The following ASTN1 variants were observed in gnomAD, a reference collection of about 807,000 sequenced individuals.
The protein encoded by ASTN1 is astrotactin-1.
In ASTN1, 41 loss-of-function variants were observed where a neutral mutation model predicts 140.7. The ratio of observed to expected loss-of-function variants is 0.29; its 90% CI spans 0.23 to 0.38. The LOEUF (loss-of-function observed/expected upper bound fraction) is 0.38, where lower values mean the gene tolerates loss of function less well. Among genes scored for constraint, ASTN1 ranks in the 10% least tolerant of loss-of-function variants. ASTN1 has a pLI of 1.00. For synonymous variants in ASTN1, 640 were observed against 652.2 expected (o/e 0.98, Z 0.29); for missense variants, 1,479 against 1,678.8 (o/e 0.88, Z 2.08).
Position 176,904,926 on chromosome 1 carries a change from G to C in ASTN1, c.2672-10096C>G, listed in dbSNP as rs567707215. On this transcript the variant is annotated intron_variant, in intron 16 of 22. Transcript: ENST00000361833. ...AGTGCTGCTTTTCTCTATCTACCCT[G>C]CGGCATTTATTTCTCCAATAGGGAG... is the stretch of plus-strand genomic sequence containing the variant. Among the ~76,000 whole-genome samples, 11 of 152,280 alleles carry C rather than the reference G, an allele frequency of 7.2e-5. No homozygotes were observed. In the South Asian group the frequency reaches 2.1e-3, roughly 29 times the overall value.
At chr1:176,961,268 A>T (rs1054130594) in intron 9 of ASTN1, among the ~76,000 whole-genome samples, 4 of 152,188 alleles carry the variant, frequency 2.6e-5, no homozygotes, top group African/African-American at 9.7e-5. Flanking sequence ...GTTTAAACGG[A>T]TTTAAAGGTT....
intron 2 of ASTN1, among the ~76,000 whole-genome samples, chr1:177,041,728 G>T (rs1165289708): frequency 1.3e-5 from 2 of 152,236 alleles, no homozygotes; most frequent in African/African-American, 4.8e-5. Flanking sequence ...GAGGCAGCGG[G>T]TGCAGTATAT....
intron 11 of ASTN1, among the ~76,000 whole-genome samples, chr1:176,957,022 A>G (rs1400451460): frequency 6.6e-6 from 1 of 152,064 alleles, no homozygotes; most frequent in Admixed American, 6.6e-5. Context: ...CTCAGCCTCC[A>G]GAGTAGGTAA....
At position 177,121,010 on chromosome 1, in the gene ASTN1, T is replaced by C. The variant is rs141297586; in HGVS notation, c.283+43384A>G. On this transcript the variant is annotated intron_variant, in intron 1 of 22. Coordinates refer to ENST00000361833, the MANE Select transcript of ASTN1 (RefSeq NM_004319.3). ...GTATTTTCATCCTAGGGAAATCAGA[T>C]CTGCGAATTAAAAGCACCATAGGCA... 1.9e-3 allele frequency among the ~76,000 whole-genome samples: 283 copies of C among 152,318 alleles called. 1 individual carries two copies. The highest frequency in any genetic ancestry group is 1.7e-3 in the Non-Finnish European group (113 of 68,034).
chr1:176,979,077 G>A (rs1673490565), intron 8 of ASTN1, among the ~76,000 whole-genome samples: 1 of 152,184 alleles, frequency 6.6e-6, no homozygotes, highest in Non-Finnish European at 1.5e-5. Context: ...AAAGTGCTCT[G>A]AAGAAGGGAA....
chr1:177,007,568 C>T (rs1281917101), intron 8 of ASTN1, among the ~76,000 whole-genome samples: 1 of 152,126 alleles, frequency 6.6e-6, no homozygotes, highest in African/African-American at 2.4e-5. Context: ...GCTTCAGAAA[C>T]ATCTGTGGGA....
At position 176,936,365 on chromosome 1, in the gene ASTN1, C is replaced by T. The variant is rs765816519; in HGVS notation, c.2383G>A (p.Val795Met). The change falls in exon 15 of 23, where the codon GTG (valine) becomes ATG (methionine). Residue 795 changes from valine to methionine, a missense_variant. Coordinates refer to ENST00000361833, the MANE Select transcript of ASTN1 (RefSeq NM_004319.3). ...TACCCAGACACTTCACTGAAGTTCA[C>T]CATCCCTAAGGACAGAAGAGATGTA... ...TPDPDFLTGM[V>M]NFSEVSGYPV... The T allele has an allele frequency of 2.5e-6, 4 of 1,611,772 alleles. No homozygotes were observed. The Admixed American group carries it at 6.7e-5, about 27-fold the overall frequency.
At chr1:177,136,804 T>C (rs1682225591) in intron 1 of ASTN1, among the ~76,000 whole-genome samples, 1 of 152,218 alleles carries the variant, frequency 6.6e-6, no homozygotes, top group South Asian at 2.1e-4. Flanking sequence ...TTTTCTTTCC[T>C]GTTGTGCAGC....
intron 20 of ASTN1, among the ~76,000 whole-genome samples, chr1:176,881,376 T>A (rs932972096): frequency 1.3e-5 from 2 of 151,892 alleles, no homozygotes; most frequent in Non-Finnish European, 2.9e-5. Context: ...ATGAGGAGGG[T>A]CGCAGTGTGG....
At chr1:176,873,755 G>A (rs1002280564) in intron 21 of ASTN1, among the ~76,000 whole-genome samples, 2 of 152,144 alleles carry the variant, frequency 1.3e-5, no homozygotes, top group African/African-American at 4.8e-5. Context: ...CCCTGGGAGT[G>A]TTATTTCACT....
In ASTN1 at chr1:177,153,485, A is replaced by G. The variant is rs115839536; in HGVS notation, c.283+10909T>C. 3.3e-3 allele frequency among the ~76,000 whole-genome samples: 502 copies of G among 152,330 alleles called. 2 individuals are homozygous for G. The highest frequency in any genetic ancestry group is 0.012 in the African/African-American group (479 of 41,588). ...AGACACCAGCTAAAGTTGGTGCTTC[A>G]TATAGCATACTTGGATAAAGCCATA... On this transcript the variant is annotated intron_variant, in intron 1 of 22. Coordinates refer to ENST00000361833, the MANE Select transcript of ASTN1 (RefSeq NM_004319.3).
At chr1:177,057,049 A>T (rs2102024930) in intron 2 of ASTN1, among the ~76,000 whole-genome samples, 1 of 152,316 alleles carries the variant, frequency 6.6e-6, no homozygotes, top group East Asian at 1.9e-4. Flanking sequence ...AAATCTCTTC[A>T]GCCAAGTTTG....
At position 177,043,543 on chromosome 1, in the gene ASTN1, A is replaced by G. The variant is rs551676751; in HGVS notation, c.472-10694T>C. ...TGCTTTGTGCTCATAAGCTTCCTCC[A>G]ACTGGTAACTGATTTGACCCACTAC... is the stretch of plus-strand genomic sequence containing the variant. On this transcript the variant is annotated intron_variant, in intron 2 of 22. Coordinates refer to ENST00000361833, the MANE Select transcript of ASTN1 (RefSeq NM_004319.3). Among the ~76,000 whole-genome samples, 4 of 152,380 alleles carry G rather than the reference A, an allele frequency of 2.6e-5. No homozygotes were observed. The South Asian group carries it at 8.3e-4, about 32-fold the overall frequency.
chr1:177,041,310 T>C (rs1416202607), intron 2 of ASTN1, among the ~76,000 whole-genome samples: 2 of 152,242 alleles, frequency 1.3e-5, no homozygotes, highest in African/African-American at 4.8e-5. Context: ...CAGCATCATG[T>C]GTTAAGAGGC....
At chr1:177,102,682 C>T (rs1294265863) in intron 1 of ASTN1, among the ~76,000 whole-genome samples, 1 of 152,180 alleles carries the variant, frequency 6.6e-6, no homozygotes, top group Non-Finnish European at 1.5e-5. Context: ...TTTCTTAATT[C>T]AGACTAATAC....
At chr1:177,008,908 G>A (rs1025442720) in intron 8 of ASTN1, among the ~76,000 whole-genome samples, 21 of 152,138 alleles carry the variant, frequency 1.4e-4, no homozygotes, top group African/African-American at 4.8e-4. Flanking sequence ...TTGTTTGAGA[G>A]GTCGGATGAA....
intron 16 of ASTN1, among the ~76,000 whole-genome samples, chr1:176,930,145 G>A (rs1671145513): frequency 6.6e-6 from 1 of 152,204 alleles, no homozygotes. Flanking sequence ...AGGAGACCCT[G>A]TTGAAGACAT....
intron 7 of ASTN1, among the ~76,000 whole-genome samples, chr1:177,018,772 C>A (rs1411511410): frequency 2.0e-5 from 3 of 152,090 alleles, no homozygotes; most frequent in Non-Finnish European, 4.4e-5. Flanking sequence ...GTGTCTCCAT[C>A]AAAAACACAA....
chr1:177,061,796 CT>C (rs1176859409), intron 1 of ASTN1, among the ~76,000 whole-genome samples: 2 of 152,202 alleles, frequency 1.3e-5, no homozygotes, highest in African/African-American at 4.8e-5. Context: ...ACCACAATCA[CT>C]TGCTGCATAG....
Sources: allele counts gnomAD v4.1 joint callset (sites outside exome capture counted in the v4.1 genomes callset), GRCh38; gene constraint gnomAD v4.1.1; transcripts MANE v1.5; gene names NCBI Gene and HGNC (gene_info 2026-07-23, HGNC 2026-07-21).